The following MYH7B variants were observed in gnomAD, a reference collection of about 807,000 sequenced individuals.
MYH7B encodes myosin-7B.
In MYH7B, 205 loss-of-function variants were observed where a neutral mutation model predicts 234.5. The observed-to-expected ratio is 0.87, with a 90% CI of 0.78 to 0.98. The LOEUF is 0.98. Ranked by LOEUF, MYH7B falls within the 50% of genes least tolerant of loss-of-function variation. The pLI, the probability that MYH7B is intolerant of heterozygous loss-of-function variation, is 0.00. For synonymous variants in MYH7B, 1,193 were observed against 1,105.0 expected, an observed-to-expected ratio of 1.08 and a Z score of -1.58; for missense variants, 2,652 against 2,633.4, an observed-to-expected ratio of 1.01 and a Z score of -0.15.
At chr20:34,980,273 A>T (rs1017374337) in intron 7 of MYH7B, 9 of 342,850 alleles carry the variant, frequency 2.6e-5, no homozygotes, top group African/African-American at 1.7e-4. Flanking sequence ...TGGGGGGAGA[A>T]TGTGGTGGCC....
chr20:34,997,504 C>G (rs1433415423), exon 32 of MYH7B: 3 of 1,580,188 alleles, frequency 1.9e-6, no homozygotes, highest in Non-Finnish European at 2.6e-6. Flanking sequence ...CGCAAGCAGG[C>G]GGAGGGCGCG....
exon 40 of MYH7B, chr20:35,000,852 A>G: frequency 6.2e-7 from 1 of 1,613,200 alleles, no homozygotes; most frequent in Non-Finnish European, 8.5e-7. Flanking sequence ...TGCACAGGAG[A>G]GGCGGGAGGC....
intron 43 of MYH7B, 29 bp from the exon 44 acceptor site, chr20:35,001,919 C>G: frequency 6.2e-7 from 1 of 1,601,302 alleles, no homozygotes; most frequent in Non-Finnish European, 8.5e-7. Flanking sequence ...GTCACCCAAG[C>G]GGAACCAAGG....
Position 34,977,928 on chromosome 20 carries a change from T to A in MYH7B, c.-72-6T>A, listed in dbSNP as rs781163644. 6 of 1,613,442 alleles carry A rather than the reference T, an allele frequency of 3.7e-6. No individual in the cohort carries two copies. Among genetic ancestry groups the A allele is most frequent in the Non-Finnish European group, 5.1e-6 (6 of 1,180,000 alleles). On this transcript the variant is annotated splice_polypyrimidine_tract_variant and splice_region_variant and intron_variant, in intron 4 of 44. Transcript: ENST00000262873. ...GTTCAGCTCCCTTGTCACTGCCATC[T>A]TCCAGTGCCTGCTGCCTTGGGCCGC...
In MYH7B at chr20:34,977,586, A is replaced by C. The variant is rs758828375; in HGVS notation, c.-121-46A>C. 10 of 1,552,922 alleles carry C rather than the reference A, an allele frequency of 6.4e-6. No individual in the cohort carries two copies. The East Asian group carries it at 2.3e-4, about 36-fold the overall frequency. On this transcript the variant is annotated intron_variant, in intron 3 of 44. Transcript: ENST00000262873. ...CTGTGGCCAGGCTGGGGGGGCTGTG[A>C]CACGTGGAGATTGCTGACATAGCTC...
At chr20:34,967,194 A>T (rs1351627791) in intron 2 of MYH7B, among the ~76,000 whole-genome samples, 2 of 151,868 alleles carry the variant, frequency 1.3e-5, no homozygotes, top group African/African-American at 4.8e-5. Flanking sequence ...ACGCCACTGT[A>T]CTCCAGGCTG....
At chr20:34,977,851 C>A in intron 4 of MYH7B, 83 bp from the exon 5 acceptor site, 1 of 1,569,760 alleles carries the variant, frequency 6.4e-7, no homozygotes, top group Non-Finnish European at 8.7e-7. Flanking sequence ...GCATTGGGAG[C>A]CAGAGGGAGT....
exon 39 of MYH7B, chr20:35,000,384 A>C: frequency 6.3e-7 from 1 of 1,599,652 alleles, no homozygotes; most frequent in Non-Finnish European, 8.5e-7. Context: ...CAAGAAGAAG[A>C]TGGAGGGTGA....
chr20:34,974,485 C>A (rs187913010), intron 2 of MYH7B, among the ~76,000 whole-genome samples: 3 of 152,206 alleles, frequency 2.0e-5, no homozygotes, highest in African/African-American at 7.2e-5. Context: ...GGAAGATGCA[C>A]CCTGGGTGGT....
intron 2 of MYH7B, among the ~76,000 whole-genome samples, 62 bp downstream of exon 2, chr20:34,958,274 T>G (rs1002319165): frequency 2.6e-5 from 4 of 152,122 alleles, no homozygotes; most frequent in African/African-American, 9.7e-5. Context: ...TTACGTGACT[T>G]GTTCAAGGTG....
exon 29 of MYH7B, chr20:34,996,480 G>T: frequency 6.2e-7 from 1 of 1,612,652 alleles, no homozygotes. Flanking sequence ...GTGTGAGCGC[G>T]CTGACCAAGG....
chr20:35,001,384 G>A (rs1180868960), intron 42 of MYH7B, 35 bp downstream of exon 42: 1 of 1,596,102 alleles, frequency 6.3e-7, no homozygotes, highest in Non-Finnish European at 8.5e-7. Flanking sequence ...AGTGGCCCTG[G>A]AGCTGGCCCA....
Position 35,001,377 on chromosome 20 carries a change from G to A in MYH7B, c.5580+28G>A. 3 of 1,597,874 alleles carry A rather than the reference G, an allele frequency of 1.9e-6. 1 individual carries two copies. Among genetic ancestry groups the A allele is most frequent in the Non-Finnish European group, 8.5e-7 (1 of 1,172,736 alleles). ...GGGCGACAGGGTCTCCCTGGGGAGTGGCCCTGGAGCTGGCCCAGCCCAAGC... is the reference window on the plus strand; with the variant it reads ...GGGCGACAGGGTCTCCCTGGGGAGTAGCCCTGGAGCTGGCCCAGCCCAAGC... On this transcript the variant is annotated intron_variant, in intron 42 of 44. Transcript: ENST00000262873.
chr20:34,959,325 G>T (rs1304012543), intron 2 of MYH7B, among the ~76,000 whole-genome samples: 1 of 152,194 alleles, frequency 6.6e-6, no homozygotes, highest in African/African-American at 2.4e-5. Context: ...AGTCCATGTA[G>T]TGGACTGTAG....
rs71349783 is a variant in MYH7B at position 34,999,760 on chromosome 20, C to G, written c.4666-31C>G. On this transcript the variant is annotated intron_variant, in intron 37 of 44. Coordinates refer to ENST00000262873, the Ensembl canonical transcript of MYH7B. ...CTGCTCCACTGGCCATCCCCCCCCC[C>G]CACCCTACCCTGCCTGCTCTGTATC... 1,798 of 1,112,410 alleles carry G rather than the reference C, an allele frequency of 1.6e-3. 6 individuals carry two copies. Among genetic ancestry groups the G allele is most frequent in the Non-Finnish European group, 2.0e-3 (1,581 of 807,416 alleles). 68.9% of individuals were successfully genotyped at this position (1,112,410 alleles called of 1,614,324 possible). A position where few individuals can be genotyped will look rare whatever the true frequency, so the allele number is the denominator to read the frequency against.
exon 32 of MYH7B, chr20:34,997,344 G>C (rs779470284): frequency 1.9e-6 from 3 of 1,541,956 alleles, no homozygotes; most frequent in Admixed American, 2.0e-5. Flanking sequence ...GCGGGAGCTG[G>C]AGGAGCTGAG....
chr20:34,998,027 C>T (rs907446506), intron 32 of MYH7B, among the ~76,000 whole-genome samples: 14 of 152,308 alleles, frequency 9.2e-5, no homozygotes, highest in Non-Finnish European at 1.9e-4. Flanking sequence ...GACCTCTGAC[C>T]ATTGTCCCCA....
chr20:34,984,172 C>T (rs911089938), intron 10 of MYH7B, among the ~76,000 whole-genome samples: 4 of 152,232 alleles, frequency 2.6e-5, no homozygotes, highest in East Asian at 3.8e-4. Flanking sequence ...GGCCTTTGTG[C>T]GCACTGGTAG....
Position 34,999,753 on chromosome 20 carries a change from C to G in MYH7B, c.4666-38C>G, listed in dbSNP as rs749277229. The G allele has an allele frequency of 4.0e-5, 40 of 1,010,364 alleles. 1 individual carries two copies. The highest frequency in any genetic ancestry group is 1.1e-4 in the South Asian group (7 of 62,600). 62.6% of individuals were successfully genotyped at this position (1,010,364 alleles called of 1,614,324 possible). A position where few individuals can be genotyped will look rare whatever the true frequency, so the allele number is the denominator to read the frequency against. ...TGACCTGCTGCTCCACTGGCCATCCCCCCCCCCCACCCTACCCTGCCTGCT... is the reference window on the plus strand; with the variant it reads ...TGACCTGCTGCTCCACTGGCCATCCGCCCCCCCCACCCTACCCTGCCTGCT... On this transcript the variant is annotated intron_variant, in intron 37 of 44. Transcript: ENST00000262873.
Sources: allele counts gnomAD v4.1 joint callset (sites outside exome capture counted in the v4.1 genomes callset), GRCh38; gene constraint gnomAD v4.1.1; transcripts MANE v1.5; gene names NCBI Gene and HGNC (gene_info 2026-07-23, HGNC 2026-07-21).